Variants in ATP8A2 observed in about 807,000 individuals in gnomAD.
ATP8A2 encodes the protein phospholipid-transporting ATPase IB.
A neutral mutation model predicts 165.6 loss-of-function variants in ATP8A2; 100 were observed. The ratio of observed to expected loss-of-function variants is 0.60; its 90% CI spans 0.51 to 0.71. The LOEUF is 0.71. ATP8A2 is among the 30% of genes least tolerant of loss of function. The pLI is 0.00. For missense variants in ATP8A2, 1,227 were observed against 1,479.5 expected (o/e 0.83, Z 2.80); for synonymous variants, 543 against 548.8 (o/e 0.99, Z 0.15).
At chr13:25,817,486 C>A (rs921076448) in intron 27 of ATP8A2, among the ~76,000 whole-genome samples, 5 of 151,886 alleles carry the variant, frequency 3.3e-5, no homozygotes, top group African/African-American at 1.2e-4. Flanking sequence ...TACCAGACTT[C>A]TTTTTACTAA....
intron 1 of ATP8A2, among the ~76,000 whole-genome samples, chr13:25,447,013 A>G (rs141759027): frequency 0.014 from 2,202 of 152,250 alleles, 23 homozygotes; most frequent in Non-Finnish European, 0.021. Flanking sequence ...GAACCACCAC[A>G]CCTGGCCTTA....
chr13:25,973,411 C>G (rs1955957121), intron 35 of ATP8A2, among the ~76,000 whole-genome samples: 1 of 152,158 alleles, frequency 6.6e-6, no homozygotes, highest in Non-Finnish European at 1.5e-5. Flanking sequence ...AGGCAGGGCC[C>G]TGGTCACAGC....
chr13:25,586,604 G>A (rs373273997), intron 23 of ATP8A2, among the ~76,000 whole-genome samples: 2 of 152,186 alleles, frequency 1.3e-5, no homozygotes, highest in East Asian at 1.9e-4. Context: ...TTTTCATACA[G>A]GCAAACACTG....
chr13:25,562,580 A>C (rs1426489642), intron 15 of ATP8A2, among the ~76,000 whole-genome samples: 2 of 152,148 alleles, frequency 1.3e-5, no homozygotes, highest in Non-Finnish European at 2.9e-5. Context: ...CTTTCTTTTC[A>C]TAAAAAGAAC....
intron 24 of ATP8A2, among the ~76,000 whole-genome samples, chr13:25,650,806 A>G (rs1364585379): frequency 6.6e-6 from 1 of 152,176 alleles, no homozygotes; most frequent in Non-Finnish European, 1.5e-5. Context: ...ATAATTTCCC[A>G]ATGTTAAACC....
rs142913595 is a variant in ATP8A2, at chr13:25,837,862, G to A, written c.2877+577G>A. On this transcript the variant is annotated intron_variant, in intron 29 of 36. Coordinates refer to ENST00000381655, the MANE Select transcript of ATP8A2 (RefSeq NM_016529.6). ...AAAAATAAAAAAAAGAAAGATATAG[G>A]TGATCCTGACAAACCCGCGCCAAAG... is the stretch of plus-strand genomic sequence containing the variant. Among the ~76,000 whole-genome samples, 645 of 152,292 alleles carry A rather than the reference G, an allele frequency of 4.2e-3. 1 individual carries two copies. The highest frequency in any genetic ancestry group is 6.1e-3 in the Admixed American group (93 of 15,298).
intron 1 of ATP8A2, among the ~76,000 whole-genome samples, chr13:25,411,733 G>A (rs1373436113): frequency 2.0e-5 from 3 of 152,092 alleles, no homozygotes; most frequent in Non-Finnish European, 4.4e-5. Context: ...ATACATACAT[G>A]CATTAAAAAT....
intron 2 of ATP8A2, among the ~76,000 whole-genome samples, chr13:25,525,507 T>G (rs76844801): frequency 6.6e-6 from 1 of 152,162 alleles, no homozygotes; most frequent in Non-Finnish European, 1.5e-5. Context: ...ATGGTAAATT[T>G]TCTCAGCTTT....
intron 27 of ATP8A2, among the ~76,000 whole-genome samples, chr13:25,820,639 G>A (rs576649521): frequency 3.3e-5 from 5 of 152,316 alleles, no homozygotes; most frequent in African/African-American, 1.2e-4. Context: ...TTTAGGAATT[G>A]GGTGGTGCTG....
chr13:25,476,407 G>A (rs1361646360), intron 2 of ATP8A2, among the ~76,000 whole-genome samples: 3 of 151,806 alleles, frequency 2.0e-5, no homozygotes. Context: ...CTGCCCCTCA[G>A]ACTCTCGAGT....
At chr13:25,697,348 C>A (rs1159244397) in intron 24 of ATP8A2, among the ~76,000 whole-genome samples, 1 of 152,168 alleles carries the variant, frequency 6.6e-6, no homozygotes, top group Admixed American at 6.5e-5. Flanking sequence ...GGTGCAATCT[C>A]GGCTCACTGC....
intron 28 of ATP8A2, among the ~76,000 whole-genome samples, chr13:25,834,746 C>T (rs1333950708): frequency 6.6e-6 from 1 of 152,182 alleles, no homozygotes; most frequent in African/African-American, 2.4e-5. Flanking sequence ...GCAATCATAG[C>T]TCACTGCAGC....
At chr13:25,464,745 A>T (rs759117135) in intron 1 of ATP8A2, among the ~76,000 whole-genome samples, 1 of 152,230 alleles carries the variant, frequency 6.6e-6, no homozygotes, top group African/African-American at 2.4e-5. Context: ...GAGACAGAGA[A>T]GGGAGCAGCT....
intron 27 of ATP8A2, among the ~76,000 whole-genome samples, chr13:25,797,219 G>C (rs565395648): frequency 3.3e-5 from 5 of 152,276 alleles, no homozygotes; most frequent in African/African-American, 1.2e-4. Flanking sequence ...AGTGAGCCAA[G>C]ATCGCACCAT....
chr13:25,905,719 C>G (rs866351851), intron 33 of ATP8A2, among the ~76,000 whole-genome samples: 116 of 152,346 alleles, frequency 7.6e-4, no homozygotes, highest in African/African-American at 2.6e-3. Flanking sequence ...CCTCTGCCAG[C>G]TGACCTCTTG....
intron 7 of ATP8A2, among the ~76,000 whole-genome samples, chr13:25,539,696 G>C (rs940609643): frequency 6.6e-6 from 1 of 152,192 alleles, no homozygotes. Flanking sequence ...GAGTCAAGGG[G>C]TGGTTAATCA....
intron 1 of ATP8A2, among the ~76,000 whole-genome samples, chr13:25,426,743 G>C (rs1057033120): frequency 6.6e-6 from 1 of 152,046 alleles, no homozygotes; most frequent in African/African-American, 2.4e-5. Context: ...AGGAGTTTGA[G>C]ACCAGCCTGG....
At chr13:25,648,672 AC>A (rs1170324482) in intron 24 of ATP8A2, among the ~76,000 whole-genome samples, 1 of 152,152 alleles carries the variant, frequency 6.6e-6, no homozygotes, top group Non-Finnish European at 1.5e-5. Context: ...CAAAACCAAA[AC>A]AAAACAAAAC....
intron 25 of ATP8A2, among the ~76,000 whole-genome samples, chr13:25,746,011 G>A (rs1025104967): frequency 5.3e-5 from 8 of 152,250 alleles, no homozygotes; most frequent in African/African-American, 1.9e-4. Context: ...GCCTGGAGCT[G>A]TGGGCTGACT....
Sources: allele counts gnomAD v4.1 joint callset (sites outside exome capture counted in the v4.1 genomes callset), GRCh38; gene constraint gnomAD v4.1.1; transcripts MANE v1.5; gene names NCBI Gene and HGNC (gene_info 2026-07-23, HGNC 2026-07-21).